The following FSTL5 variants were observed in gnomAD, a reference collection of about 807,000 sequenced individuals.
The protein encoded by FSTL5 is follistatin-related protein 5.
A neutral mutation model predicts 89.1 loss-of-function variants in FSTL5; 62 were observed. That is an observed-to-expected ratio of 0.70 (90% CI 0.57 to 0.86). The LOEUF is 0.86. Among genes scored for constraint, FSTL5 ranks in the 40% least tolerant of loss-of-function variants. The pLI is 0.00. For missense variants in FSTL5, 1,057 were observed against 1,001.6 expected (o/e 1.06, Z -0.75); for synonymous variants, 383 against 346.2 (o/e 1.11, Z -1.18).
chr4:161,933,849 T>C (rs1002948634), intron 3 of FSTL5, among the ~76,000 whole-genome samples: 2 of 151,712 alleles, frequency 1.3e-5, no homozygotes, highest in Non-Finnish European at 2.9e-5. Context: ...TTTTAAATTA[T>C]TATTTACCAC....
intron 6 of FSTL5, among the ~76,000 whole-genome samples, chr4:161,755,713 C>A: frequency 6.6e-6 from 1 of 151,960 alleles, no homozygotes; most frequent in Non-Finnish European, 1.5e-5. Context: ...TTATATATTC[C>A]TAGGGGAAAG....
intron 4 of FSTL5, among the ~76,000 whole-genome samples, chr4:161,823,809 G>A (rs927971844): frequency 6.6e-6 from 1 of 152,152 alleles, no homozygotes; most frequent in Non-Finnish European, 1.5e-5. Flanking sequence ...TTGGCCATTT[G>A]TATATCTTAT....
intron 10 of FSTL5, among the ~76,000 whole-genome samples, chr4:161,533,008 T>TA (rs77562407): frequency 1.1e-4 from 17 of 151,174 alleles, no homozygotes; most frequent in Admixed American, 2.6e-4. Flanking sequence ...AACGCAGAAA[T>TA]AAAAAAAAAT....
In FSTL5 at chr4:161,542,701, A is replaced by C. The variant is rs536511818; in HGVS notation, c.1016-8T>G. ...CCCGGATGACTGGAGGAACTAAAGGAAAAAATGAAAGAGAAAGTGAATTAG... is the reference window on the plus strand; with the variant it reads ...CCCGGATGACTGGAGGAACTAAAGGCAAAAATGAAAGAGAAAGTGAATTAG... On this transcript the variant is annotated splice_region_variant and splice_polypyrimidine_tract_variant and intron_variant, in intron 8 of 15. Transcript: ENST00000306100. The C allele has an allele frequency of 1.4e-6, 2 of 1,424,816 alleles. No homozygotes were observed. The highest frequency in any genetic ancestry group is 2.9e-5 in the African/African-American group (2 of 68,350). 88.3% of individuals were successfully genotyped at this position (1,424,816 alleles called of 1,614,324 possible). A position where few individuals can be genotyped will look rare whatever the true frequency, so the allele number is the denominator to read the frequency against.
intron 2 of FSTL5, among the ~76,000 whole-genome samples, chr4:162,047,766 A>C (rs1477805807): frequency 1.3e-5 from 2 of 152,098 alleles, no homozygotes; most frequent in East Asian, 3.9e-4. Context: ...CGGAGGTTGC[A>C]GTGAGCTGAG....
chr4:161,480,509 A>C (rs1372086189), intron 13 of FSTL5, among the ~76,000 whole-genome samples: 1 of 152,182 alleles, frequency 6.6e-6, no homozygotes, highest in Non-Finnish European at 1.5e-5. Flanking sequence ...TGACGATGAC[A>C]ATGTTTATTA....
intron 4 of FSTL5, among the ~76,000 whole-genome samples, chr4:161,853,874 C>T (rs1325165734): frequency 6.6e-6 from 1 of 152,122 alleles, no homozygotes; most frequent in Non-Finnish European, 1.5e-5. Context: ...TATCTAGAGT[C>T]TACCACTCAC....
chr4:161,756,257 G>GA (rs1333933419), intron 6 of FSTL5, among the ~76,000 whole-genome samples: 6 of 151,952 alleles, frequency 3.9e-5, no homozygotes, highest in African/African-American at 1.4e-4. Context: ...TATCTAAAAA[G>GA]AAAAAATTAT....
At chr4:161,731,408 C>T (rs1031613413) in intron 6 of FSTL5, among the ~76,000 whole-genome samples, 1 of 151,994 alleles carries the variant, frequency 6.6e-6, no homozygotes, top group African/African-American at 2.4e-5. Context: ...GGGCAGATTT[C>T]CCCCTTGCTG....
chr4:161,824,091 C>T (rs1480837194), intron 4 of FSTL5, among the ~76,000 whole-genome samples: 3 of 152,116 alleles, frequency 2.0e-5, no homozygotes, highest in Non-Finnish European at 4.4e-5. Flanking sequence ...TTGCCTAAGC[C>T]AATGTCTAGA....
At chr4:161,772,489 A>G in intron 5 of FSTL5, among the ~76,000 whole-genome samples, 1 of 138,750 alleles carries the variant, frequency 7.2e-6, no homozygotes, top group East Asian at 2.0e-4. Context: ...CTGATAAATG[A>G]ATTCAGCAGT....
At position 162,018,503 on chromosome 4, in the gene FSTL5, AT is replaced by A. The variant is rs567013677; in HGVS notation, c.160+15121del. On this transcript the variant is annotated intron_variant, in intron 3 of 15. Coordinates refer to ENST00000306100, the MANE Select transcript of FSTL5 (RefSeq NM_020116.5). Reference sequence around the variant, plus strand: ...TGCAGCATATTGTGTAAGAGTAACGATTTAATAATTGTCAGATGCTTACTGG... The same window carrying A: ...TGCAGCATATTGTGTAAGAGTAACGATTAATAATTGTCAGATGCTTACTGG... Among the ~76,000 whole-genome samples the A allele has an allele frequency of 6.5e-3, 978 of 151,452 alleles. 5 individuals are homozygous for A. Among genetic ancestry groups the A allele is most frequent in the Non-Finnish European group, 9.8e-3 (667 of 67,936 alleles).
intron 4 of FSTL5, among the ~76,000 whole-genome samples, chr4:161,895,285 G>T (rs1733119929): frequency 1.3e-5 from 2 of 152,092 alleles, no homozygotes; most frequent in Admixed American, 6.5e-5. Context: ...AATAATGTAT[G>T]TTTACAGTTC....
At chr4:162,066,355 C>CTTCTTCTTCTTCTTCTTCTT (rs1553996329) in intron 2 of FSTL5, among the ~76,000 whole-genome samples, 1 of 61,166 alleles carries the variant, frequency 1.6e-5, no homozygotes, top group African/African-American at 6.1e-5. Flanking sequence ...TTCTTCTTCT[C>CTTCTTCTTCTTCTTCTTCTT]CTTCTTCTTC....
chr4:162,114,324 T>A (rs1019424086), intron 1 of FSTL5, among the ~76,000 whole-genome samples: 11 of 152,144 alleles, frequency 7.2e-5, no homozygotes, highest in African/African-American at 2.7e-4. Context: ...TTAAGAGATA[T>A]TTTCCACAAG....
chr4:161,805,806 A>G (rs1049431620), intron 4 of FSTL5, among the ~76,000 whole-genome samples: 3 of 152,090 alleles, frequency 2.0e-5, no homozygotes, highest in African/African-American at 7.2e-5. Flanking sequence ...ACAGTATACA[A>G]TTATGACTGT....
At chr4:161,678,796 A>G (rs1737410513) in intron 6 of FSTL5, among the ~76,000 whole-genome samples, 1 of 151,820 alleles carries the variant, frequency 6.6e-6, no homozygotes, top group African/African-American at 2.4e-5. Flanking sequence ...TTGGAGATTT[A>G]CTGTAGATTA....
intron 7 of FSTL5, among the ~76,000 whole-genome samples, chr4:161,639,127 T>C (rs1321549736): frequency 2.0e-5 from 3 of 152,102 alleles, no homozygotes; most frequent in African/African-American, 4.8e-5. Context: ...CTATTCAACA[T>C]AGTGTTGGAA....
chr4:161,773,098 G>T (rs529539293), intron 5 of FSTL5, among the ~76,000 whole-genome samples: 2 of 152,032 alleles, frequency 1.3e-5, no homozygotes. Flanking sequence ...GTGAGGGAAG[G>T]ACACTCTATT....
Sources: gnomAD v4.1 joint callset for allele counts (sites outside exome capture counted in the v4.1 genomes callset) on GRCh38, gnomAD v4.1.1 for gene constraint, MANE v1.5 for transcripts, NCBI Gene and HGNC (gene_info 2026-07-23, HGNC 2026-07-21) for gene names.